ZNF772: variants seen among roughly 807,000 people sequenced by gnomAD.
The protein encoded by ZNF772 is zinc finger protein 772.
A neutral mutation model predicts 11.0 loss-of-function variants in ZNF772; 8 were observed. That is an observed-to-expected ratio of 0.73 (90% CI 0.43 to 1.31). The LOEUF (loss-of-function observed/expected upper bound fraction) is 1.31, where lower values mean the gene tolerates loss of function less well. Among genes scored for constraint, ZNF772 ranks in the 50% most tolerant of loss-of-function variants. ZNF772 has a pLI of 0.01. For missense variants in ZNF772, 496 were observed against 552.3 expected, an observed-to-expected ratio of 0.90 and a Z score of 1.02; for synonymous variants, 155 against 180.4, an observed-to-expected ratio of 0.86 and a Z score of 1.13.
rs2123146415 is a variant in ZNF772 at position 57,472,912 on chromosome 19, AAGTG to A, written c.*358_*361del. 1 of 214,172 alleles carries A rather than the reference AAGTG, an allele frequency of 4.7e-6. No homozygotes were observed. Among genetic ancestry groups the A allele is most frequent in the South Asian group, 1.3e-4 (1 of 7,836 alleles). 13.3% of individuals were successfully genotyped at this position (214,172 alleles called of 1,614,324 possible). A position where few individuals can be genotyped will look rare whatever the true frequency, so the allele number is the denominator to read the frequency against. Reference sequence around the variant, plus strand: ...TTAAACCAGTAGTGGGGCAGAAAAAAAGTGAGAATCCTTGATGGCCTCAGGCTAC... The same window carrying A: ...TTAAACCAGTAGTGGGGCAGAAAAAAAGAATCCTTGATGGCCTCAGGCTAC... On this transcript the variant is annotated 3_prime_UTR_variant, in exon 4 of 4. Coordinates refer to ENST00000356584, the MANE Select transcript of ZNF772 (RefSeq NM_001144068.2).
intron 1 of ZNF772, 94 bp from the exon 2 acceptor site, chr19:57,476,766 C>A: frequency 4.4e-6 from 5 of 1,136,588 alleles, no homozygotes; most frequent in Non-Finnish European, 5.0e-6. Flanking sequence ...TTACAATGTG[C>A]CTGGGAGCTG....
In ZNF772 at chr19:57,476,568, C is replaced by A. The variant is rs531261942; in HGVS notation, c.72+66G>T. ...TAGCAGGAGAGTGTTCTATATAACA[C>A]CACAATGCTGGAGAGCGTATTGGGT... On this transcript the variant is annotated intron_variant, in intron 2 of 3. Coordinates refer to ENST00000356584, the MANE Select transcript of ZNF772 (RefSeq NM_001144068.2). The A allele has an allele frequency of 5.3e-5, 84 of 1,571,080 alleles. 1 individual carries two copies. The South Asian group carries it at 8.5e-4, about 16-fold the overall frequency.
rs1600120694 is a variant in ZNF772 at position 57,475,563 on chromosome 19, G to A, written c.199+97C>T. The A allele has an allele frequency of 6.3e-7, 1 of 1,579,146 alleles. No individual in the cohort carries two copies. Among genetic ancestry groups the A allele is most frequent in the Non-Finnish European group, 8.7e-7 (1 of 1,150,172 alleles). On this transcript the variant is annotated intron_variant, in intron 3 of 3. Transcript: ENST00000356584. The surrounding 1 kb of genome is among the most constrained non-coding windows in gnomAD (Gnocchi z 4.2). ...TCCAGGCACTAAGAAATGAGACAGTGTCCACGGCTCTGATGTAGGAAGGAC... is the reference window on the plus strand; with the variant it reads ...TCCAGGCACTAAGAAATGAGACAGTATCCACGGCTCTGATGTAGGAAGGAC...
chr19:57,476,427 C>CA, intron 2 of ZNF772: 1 of 613,918 alleles, frequency 1.6e-6, no homozygotes, highest in Admixed American at 2.6e-5. Context: ...AACAACCTTC[C>CA]AACCTTATTC....
In ZNF772 at chr19:57,477,362, C is replaced by T. The variant is rs2089296953; in HGVS notation, c.-53G>A. On this transcript the variant is annotated 5_prime_UTR_variant, in exon 1 of 4. Coordinates refer to ENST00000356584, the MANE Select transcript of ZNF772 (RefSeq NM_001144068.2). ...GACAAGTGCAGGAACCTGGGATCAG[C>T]TGTCCAGGGCCCAGCCCAGCGGCTA... 1 of 1,606,378 alleles carries T rather than the reference C, an allele frequency of 6.2e-7. No individual in the cohort carries two copies. Among genetic ancestry groups the T allele is most frequent in the Non-Finnish European group, 8.5e-7 (1 of 1,175,608 alleles).
chr19:57,475,989 G>A lies in ZNF772; in HGVS notation c.73-203C>T, dbSNP rs1180363279. Among the ~76,000 whole-genome samples, 3 of 152,210 alleles carry A rather than the reference G, an allele frequency of 2.0e-5. No homozygotes were observed. Among genetic ancestry groups the A allele is most frequent in the South Asian group, 4.1e-4 (2 of 4,832 alleles). On this transcript the variant is annotated intron_variant, in intron 2 of 3. Transcript: ENST00000356584. The surrounding 1 kb of genome is among the most constrained non-coding windows in gnomAD (Gnocchi z 4.2). ...CTACCCATAGCAACCACAGGCAGGT[G>A]AAGAAGTTGTCACCCTCTAAGCTCT... is the stretch of plus-strand genomic sequence containing the variant.
chr19:57,472,131 A>C lies in ZNF772; in HGVS notation c.*1143T>G. ...CTCATAATGGAGCCAGAGTAATGGA[A>C]ACACATGTGGATGTACCTTTAGAAG... On this transcript the variant is annotated 3_prime_UTR_variant, in exon 4 of 4. Coordinates refer to ENST00000356584, the MANE Select transcript of ZNF772 (RefSeq NM_001144068.2). The C allele has an allele frequency of 2.2e-6, 1 of 456,284 alleles. No individual in the cohort carries two copies. The highest frequency in any genetic ancestry group is 1.5e-5 in the South Asian group (1 of 64,570). The allele number at this position is 456,284 out of a possible 1,614,324, so 28.3% of individuals were successfully genotyped here. A position where few individuals can be genotyped will look rare whatever the true frequency, so the allele number is the denominator to read the frequency against.
Position 57,470,664 on chromosome 19 carries a change from C to A in ZNF772, c.*2610G>T, listed in dbSNP as rs1436042779. On this transcript the variant is annotated 3_prime_UTR_variant, in exon 4 of 4. Transcript: ENST00000356584. ...TAAAATTGATAAATCTCTACCCAAACCAATCAAGGTTAAAAGAAAAATATA... is the reference window on the plus strand; with the variant it reads ...TAAAATTGATAAATCTCTACCCAAAACAATCAAGGTTAAAAGAAAAATATA... 1 of 152,014 alleles carries A rather than the reference C, an allele frequency of 6.6e-6. No individual in the cohort carries two copies. The highest frequency in any genetic ancestry group is 1.5e-5 in the Non-Finnish European group (1 of 68,004). 9.4% of individuals were successfully genotyped at this position (152,014 alleles called of 1,614,324 possible). A position where few individuals can be genotyped will look rare whatever the true frequency, so the allele number is the denominator to read the frequency against.
rs2089242867 is a variant in ZNF772 at position 57,473,610 on chromosome 19, A to G, written c.1011T>C (p.Tyr337=). The G allele has an allele frequency of 6.2e-7, 1 of 1,613,956 alleles. No homozygotes were observed. Among genetic ancestry groups the G allele is most frequent in the East Asian group, 2.2e-5 (1 of 44,852 alleles). The stretch of plus-strand genomic sequence containing the variant: ...AGTATTTTCCACATTCGCTGCACTC[A>G]TATGGCCTTTCTCCAGTATGGATAC... ...HESIHTGERP[Y]ECSECGKYFG... is the part of the protein sequence containing the mutation. Residue 337 remains tyrosine, a synonymous_variant, in exon 4 of 4, where the codon TAT becomes TAC. Coordinates refer to ENST00000356584, the MANE Select transcript of ZNF772 (RefSeq NM_001144068.2).
At position 57,475,547 on chromosome 19, in the gene ZNF772, T is replaced by C; in HGVS notation, c.199+113A>G. The C allele has an allele frequency of 6.5e-7, 1 of 1,544,870 alleles. No homozygotes were observed. The highest frequency in any genetic ancestry group is 8.9e-7 in the Non-Finnish European group (1 of 1,120,180). ...CACTCACAGAACCTACTCCAGGCACTAAGAAATGAGACAGTGTCCACGGCT... is the reference window on the plus strand; with the variant it reads ...CACTCACAGAACCTACTCCAGGCACCAAGAAATGAGACAGTGTCCACGGCT... On this transcript the variant is annotated intron_variant, in intron 3 of 3. Coordinates refer to ENST00000356584, the MANE Select transcript of ZNF772 (RefSeq NM_001144068.2). This position sits in a 1 kb window ranked among gnomAD's most constrained non-coding sequence, Gnocchi z 4.2.
Position 57,473,875 on chromosome 19 carries a change from C to T in ZNF772, c.746G>A (p.Gly249Glu). 1 of 1,614,202 alleles carries T rather than the reference C, an allele frequency of 6.2e-7. No individual in the cohort carries two copies. The highest frequency in any genetic ancestry group is 8.5e-7 in the Non-Finnish European group (1 of 1,180,022). ...SLVQHQRVHT[G>E]ERPYECGECG... ...TTCACCGCACTCATAAGGCCTTTCT[C>T]CAGTGTGGACTCTCTGGTGTTGAAC... The change falls in exon 4 of 4, where the codon GGA (glycine) becomes GAA (glutamate). Residue 249 changes from glycine to glutamate, a missense_variant. By Grantham distance (98) the Gly-to-Glu change is moderately conservative (BLOSUM62 -2). Coordinates refer to ENST00000356584, the MANE Select transcript of ZNF772 (RefSeq NM_001144068.2).
rs747487635 is a variant in ZNF772, at chr19:57,473,883, G to C, written c.738C>G (p.Val246=). The C allele has an allele frequency of 6.2e-7, 1 of 1,614,148 alleles. No individual in the cohort carries two copies. The highest frequency in any genetic ancestry group is 1.1e-5 in the South Asian group (1 of 91,078). The part of the protein sequence containing the change: ...RKDSLVQHQR[V]HTGERPYECG... Reference sequence around the variant, plus strand: ...ACTCATAAGGCCTTTCTCCAGTGTGGACTCTCTGGTGTTGAACAAGTGAGT... The same window carrying C: ...ACTCATAAGGCCTTTCTCCAGTGTGCACTCTCTGGTGTTGAACAAGTGAGT... Residue 246 remains valine, a synonymous_variant, in exon 4 of 4, where the codon GTC becomes GTG. Transcript: ENST00000356584.
intron 1 of ZNF772, 40 bp from the exon 2 acceptor site, chr19:57,476,712 G>C (rs1190880110): frequency 1.3e-6 from 2 of 1,538,294 alleles, no homozygotes; most frequent in East Asian, 2.3e-5. Context: ...AAGCAATCTT[G>C]AAGGAACCCC....
Position 57,475,270 on chromosome 19 carries a change from A to G in ZNF772, c.199+390T>C. ...GTGGTCCTAGCAAGTAGCGACCATA[A>G]TGGTCCCTACAATTCCTGACATAGG... On this transcript the variant is annotated intron_variant, in intron 3 of 3. Coordinates refer to ENST00000356584, the MANE Select transcript of ZNF772 (RefSeq NM_001144068.2). The surrounding 1 kb of genome is among the most constrained non-coding windows in gnomAD (Gnocchi z 4.2). 8.1e-7 allele frequency: 1 copy of G among 1,232,226 alleles called. No individual in the cohort carries two copies. The allele number at this position is 1,232,226 out of a possible 1,614,324, so 76.3% of individuals were successfully genotyped here.
At chr19:57,477,200 C>A (rs1312087103) in intron 1 of ZNF772, 77 bp downstream of exon 1, 1 of 1,599,468 alleles carries the variant, frequency 6.3e-7, no homozygotes, top group Admixed American at 1.7e-5. Flanking sequence ...GCTGCAGTAA[C>A]CCGAGGAATC....
chr19:57,476,757 T>C, intron 1 of ZNF772, 85 bp from the exon 2 acceptor site: 11 of 1,239,338 alleles, frequency 8.9e-6, no homozygotes, highest in Non-Finnish European at 1.1e-5. Flanking sequence ...CCTACCCAGT[T>C]ACAATGTGCC....
rs2089197020 is a variant in ZNF772 at position 57,470,083 on chromosome 19, C to T, written c.*3191G>A. The T allele has an allele frequency of 6.6e-6, 1 of 152,144 alleles. No homozygotes were observed. The highest frequency in any genetic ancestry group is 1.5e-5 in the Non-Finnish European group (1 of 68,018). 9.4% of individuals were successfully genotyped at this position (152,144 alleles called of 1,614,324 possible). A position where few individuals can be genotyped will look rare whatever the true frequency, so the allele number is the denominator to read the frequency against. ...CATCCTAAACTCAACTAAAATGAAACCACATCGGCTGGGCTCACGCCTGTA... is the reference window on the plus strand; with the variant it reads ...CATCCTAAACTCAACTAAAATGAAATCACATCGGCTGGGCTCACGCCTGTA... On this transcript the variant is annotated 3_prime_UTR_variant, in exon 4 of 4. Transcript: ENST00000356584.
chr19:57,470,239 T>C lies in ZNF772; in HGVS notation c.*3035A>G, dbSNP rs1410584607. On this transcript the variant is annotated 3_prime_UTR_variant, in exon 4 of 4. Transcript: ENST00000356584. ...TTAGCCAGGCATGGTGGCAGGCGCCTGTAGTCCAAGCTACTCGGGAGGCTG... is the reference window on the plus strand; with the variant it reads ...TTAGCCAGGCATGGTGGCAGGCGCCCGTAGTCCAAGCTACTCGGGAGGCTG... The C allele has an allele frequency of 1.3e-5, 2 of 152,222 alleles. No individual in the cohort carries two copies. The highest frequency in any genetic ancestry group is 2.4e-5 in the African/African-American group (1 of 41,416). 9.4% of individuals were successfully genotyped at this position (152,222 alleles called of 1,614,324 possible).
rs1044368339 is a variant in ZNF772, at chr19:57,475,340, G to C, written c.199+320C>G. On this transcript the variant is annotated intron_variant, in intron 3 of 3. Coordinates refer to ENST00000356584, the MANE Select transcript of ZNF772 (RefSeq NM_001144068.2). The surrounding 1 kb of genome is among the most constrained non-coding windows in gnomAD (Gnocchi z 4.2). ...GCTAAAGGAAGAGCGCAGAATCCCA[G>C]GCACAGAGGTGTCATGGATACAGAC... 2.2e-4 allele frequency among the ~76,000 whole-genome samples: 34 copies of C among 152,074 alleles called. No individual in the cohort carries two copies. The highest frequency in any genetic ancestry group is 6.3e-4 in the African/African-American group (26 of 41,378).
Sources: allele counts gnomAD v4.1 joint callset (sites outside exome capture counted in the v4.1 genomes callset), GRCh38; gene constraint gnomAD v4.1.1; non-coding constraint Gnocchi (gnomAD v3.1); transcripts MANE v1.5; gene names NCBI Gene and HGNC (gene_info 2026-07-23, HGNC 2026-07-21).